VPS13B: variants seen among roughly 807,000 people sequenced by gnomAD.
VPS13B encodes intermembrane lipid transfer protein VPS13B.
VPS13B carries 285 observed loss-of-function variants against 426.4 expected under a neutral mutation model. The ratio of observed to expected loss-of-function variants is 0.67; its 90% CI spans 0.61 to 0.74. The LOEUF (loss-of-function observed/expected upper bound fraction) is 0.74. Ranked by LOEUF, VPS13B falls within the 30% of genes least tolerant of loss-of-function variation. The pLI is 0.00. For missense variants in VPS13B, 4,537 were observed against 4,782.6 expected, an observed-to-expected ratio of 0.95 and a Z score of 1.51; for synonymous variants, 1,676 against 1,676.4, an observed-to-expected ratio of 1.00 and a Z score of 0.01.
chr8:99,682,426 T>C (rs1187192170), intron 35 of VPS13B, among the ~76,000 whole-genome samples: 1 of 152,236 alleles, frequency 6.6e-6, no homozygotes, highest in Non-Finnish European at 1.5e-5. Flanking sequence ...TACTTTTTTA[T>C]ATTTTTTTGA....
chr8:99,230,766 A>G (rs893442210), intron 17 of VPS13B, among the ~76,000 whole-genome samples: 2 of 152,262 alleles, frequency 1.3e-5, no homozygotes, highest in Non-Finnish European at 2.9e-5. Context: ...GGAAATTGTT[A>G]CAGTTTTACT....
At chr8:99,351,529 A>G (rs1811895417) in intron 19 of VPS13B, among the ~76,000 whole-genome samples, 1 of 151,394 alleles carries the variant, frequency 6.6e-6, no homozygotes, top group African/African-American at 2.4e-5. Flanking sequence ...TCTTTCTGGA[A>G]TCCCTTTTTA....
At chr8:99,578,654 T>C (rs1825887853) in intron 33 of VPS13B, among the ~76,000 whole-genome samples, 1 of 152,122 alleles carries the variant, frequency 6.6e-6, no homozygotes, top group Non-Finnish European at 1.5e-5. Flanking sequence ...AAAAATGTAA[T>C]TATATGACAT....
chr8:99,154,681 G>A (rs1811261576), intron 14 of VPS13B, among the ~76,000 whole-genome samples: 1 of 152,150 alleles, frequency 6.6e-6, no homozygotes, highest in Non-Finnish European at 1.5e-5. Flanking sequence ...TAGCACCTGG[G>A]GCCTTCCTTT....
intron 21 of VPS13B, 25 bp downstream of exon 21, chr8:99,391,729 A>T (rs909263627): frequency 1.9e-6 from 3 of 1,612,046 alleles, no homozygotes; most frequent in Non-Finnish European, 2.5e-6. Flanking sequence ...CTGTAAAGGG[A>T]CTATGATTGT....
intron 35 of VPS13B, among the ~76,000 whole-genome samples, chr8:99,689,550 G>A (rs973242961): frequency 1.3e-5 from 2 of 152,160 alleles, no homozygotes; most frequent in African/African-American, 4.8e-5. Flanking sequence ...TGGCACAGTG[G>A]TGCACACCTG....
chr8:99,453,866 C>T (rs955807231), intron 23 of VPS13B, among the ~76,000 whole-genome samples: 8 of 152,114 alleles, frequency 5.3e-5, no homozygotes, highest in African/African-American at 1.7e-4. Flanking sequence ...TACAGGGATA[C>T]GTAATTGTCA....
chr8:99,436,256 A>G (rs947178944), intron 22 of VPS13B, among the ~76,000 whole-genome samples: 1 of 152,126 alleles, frequency 6.6e-6, no homozygotes, highest in African/African-American at 2.4e-5. Context: ...GTTACTTCCA[A>G]CTCTAACATT....
intron 40 of VPS13B, among the ~76,000 whole-genome samples, chr8:99,770,785 G>A (rs1292712020): frequency 6.6e-6 from 1 of 152,198 alleles, no homozygotes; most frequent in Non-Finnish European, 1.5e-5. Context: ...GCTTGTTGGT[G>A]CAGTCCAGAA....
At position 99,315,370 on chromosome 8, in the gene VPS13B, A is replaced by G. The variant is rs540485009; in HGVS notation, c.2824+40116A>G. On this transcript the variant is annotated intron_variant, in intron 19 of 61. Coordinates refer to ENST00000357162, the MANE Select transcript of VPS13B (RefSeq NM_152564.5). ...TTTTTTAACTAACTGGGTTATTTCA[A>G]AAGACCTATCTTCATGTGCTGGATT... Among the ~76,000 whole-genome samples the G allele has an allele frequency of 3.9e-5, 6 of 151,916 alleles. No individual in the cohort carries two copies. The South Asian group carries it at 1.0e-3, about 26-fold the overall frequency.
At chr8:99,775,916 A>T (rs1811719356) in intron 40 of VPS13B, among the ~76,000 whole-genome samples, 1 of 152,154 alleles carries the variant, frequency 6.6e-6, no homozygotes, top group Non-Finnish European at 1.5e-5. Context: ...AAAAAAAGAA[A>T]AGATTTAACT....
chr8:99,085,655 A>G (rs963378829), intron 3 of VPS13B, among the ~76,000 whole-genome samples: 2 of 152,136 alleles, frequency 1.3e-5, no homozygotes, highest in African/African-American at 2.4e-5. Context: ...GGTGGTGACA[A>G]AATCTCTCAG....
chr8:99,073,647 G>T (rs1024958424), intron 3 of VPS13B, among the ~76,000 whole-genome samples: 1 of 141,284 alleles, frequency 7.1e-6, no homozygotes, highest in African/African-American at 2.6e-5. Context: ...AGATCATGTT[G>T]TCTGCAAAGC....
At chr8:99,731,893 C>G (rs1464100799) in intron 39 of VPS13B, among the ~76,000 whole-genome samples, 1 of 150,948 alleles carries the variant, frequency 6.6e-6, no homozygotes, top group Non-Finnish European at 1.5e-5. Flanking sequence ...CACATTCTAT[C>G]TAAGCCTGAA....
At chr8:99,501,964 T>C (rs1821269443) in intron 26 of VPS13B, 106 bp downstream of exon 26, 2 of 1,265,794 alleles carry the variant, frequency 1.6e-6, no homozygotes, top group East Asian at 5.1e-5. Context: ...TGTCTGTCTG[T>C]CTGTCTGTCT....
intron 5 of VPS13B, among the ~76,000 whole-genome samples, chr8:99,109,793 ATTAC>A (rs1181237356): frequency 4.6e-5 from 7 of 152,184 alleles, no homozygotes; most frequent in African/African-American, 1.4e-4. Flanking sequence ...TAGACAGACT[ATTAC>A]CACTGTGCCT....
chr8:99,087,098 C>T (rs991641245), intron 3 of VPS13B, among the ~76,000 whole-genome samples: 2 of 152,186 alleles, frequency 1.3e-5, no homozygotes, highest in Non-Finnish European at 2.9e-5. Flanking sequence ...CTGTGGTGGG[C>T]TCCACCCAGT....
chr8:99,861,907 C>T lies in VPS13B; in HGVS notation c.11176C>T (p.Leu3726Phe), dbSNP rs760142077. 1.9e-6 allele frequency: 3 copies of T among 1,597,630 alleles called. No homozygotes were observed. In the South Asian group the frequency reaches 3.4e-5, roughly 18 times the overall value. ...RQLPESLGEG[L>F]RQGLSRLGIS... is the part of the protein sequence containing the mutation. ...GCTCCCCGAGAGCCTGGGCGAGGGGCTTCGACAGGGCCTGTCCCGGCTGGG... is the reference window on the plus strand; with the variant it reads ...GCTCCCCGAGAGCCTGGGCGAGGGGTTTCGACAGGGCCTGTCCCGGCTGGG... The change falls in exon 58 of 62, where the codon CTT (leucine) becomes TTT (phenylalanine). Residue 3726 changes from leucine (L) to phenylalanine (F), a missense_variant. Leu to Phe is a conservative substitution (Grantham distance 22). Coordinates refer to ENST00000357162, the MANE Select transcript of VPS13B (RefSeq NM_152564.5).
intron 19 of VPS13B, among the ~76,000 whole-genome samples, chr8:99,325,885 G>GT (rs1242125447): frequency 6.6e-6 from 1 of 151,844 alleles, no homozygotes; most frequent in East Asian, 1.9e-4. Context: ...ACGGCCCTTA[G>GT]TATCTCAACC....
Sources: gnomAD v4.1 joint callset for allele counts (sites outside exome capture counted in the v4.1 genomes callset) on GRCh38, gnomAD v4.1.1 for gene constraint, MANE v1.5 for transcripts, NCBI Gene and HGNC (gene_info 2026-07-23, HGNC 2026-07-21) for gene names.